The following LINGO2 variants were observed in gnomAD, a reference collection of about 807,000 sequenced individuals.
The protein encoded by LINGO2 is leucine rich repeat and Ig domain containing 2, also known as leucine-rich repeat and immunoglobulin-like domain-containing nogo receptor-interacting protein 2.
LINGO2 carries 14 observed loss-of-function variants against 30.6 expected under a neutral mutation model. The ratio of observed to expected loss-of-function variants is 0.46; its 90% CI spans 0.30 to 0.72. The LOEUF (loss-of-function observed/expected upper bound fraction) is 0.72, where lower values mean the gene tolerates loss of function less well. Among genes scored for constraint, LINGO2 ranks in the 30% least tolerant of loss-of-function variants. The probability of loss-of-function intolerance (pLI) is 0.07; values close to 1 mark genes in which losing one functional copy is unlikely to be tolerated. For synonymous variants in LINGO2, 317 were observed against 288.5 expected, an observed-to-expected ratio of 1.10 and a Z score of -1.00; for missense variants, 729 against 751.7, an observed-to-expected ratio of 0.97 and a Z score of 0.35.
In LINGO2 at chr9:28,093,589, T is replaced by C. The variant is rs759952838; in HGVS notation, c.-86-81184A>G. On this transcript the variant is annotated intron_variant, in intron 4 of 5. Coordinates refer to ENST00000379992, the Ensembl canonical transcript of LINGO2. ...TAATATTTTTCTAATTAATTATTAA[T>C]GTCAGACACATTATGACACCTTTTT... is the stretch of plus-strand genomic sequence containing the variant. 2.6e-5 allele frequency among the ~76,000 whole-genome samples: 4 copies of C among 152,252 alleles called. No homozygotes were observed. In the South Asian group the frequency reaches 6.2e-4, roughly 24 times the overall value.
chr9:27,938,585 G>A, the LINGO2 span: 2 of 152,168 alleles, frequency 1.3e-5, no homozygotes, highest in Non-Finnish European at 2.9e-5. Flanking sequence ...GACTCCCTGA[G>A]AGTGGATCAT....
chr9:28,292,795 G>T (rs1037924532), intron 4 of LINGO2, among the ~76,000 whole-genome samples: 1 of 150,938 alleles, frequency 6.6e-6, no homozygotes, highest in Admixed American at 6.6e-5. Flanking sequence ...TTTTGAGATG[G>T]AATCTTGCTT....
chr9:28,551,813 C>T (rs948521071), intron 1 of LINGO2, among the ~76,000 whole-genome samples: 1 of 151,986 alleles, frequency 6.6e-6, no homozygotes, highest in African/African-American at 2.4e-5. Flanking sequence ...TTTGGCAGAC[C>T]TTGCTCTCTG....
At chr9:28,207,741 A>T (rs931826850) in intron 4 of LINGO2, among the ~76,000 whole-genome samples, 1 of 152,168 alleles carries the variant, frequency 6.6e-6, no homozygotes, top group East Asian at 1.9e-4. Flanking sequence ...CCAGAAACCA[A>T]TTTTGAGAAT....
chr9:28,067,442 A>G (rs959041999), intron 4 of LINGO2, among the ~76,000 whole-genome samples: 1 of 152,194 alleles, frequency 6.6e-6, no homozygotes, highest in Non-Finnish European at 1.5e-5. Context: ...ATTTAAAAAC[A>G]AAAAGTTCAG....
intron 4 of LINGO2, among the ~76,000 whole-genome samples, chr9:28,259,238 G>A (rs773821005): frequency 1.3e-5 from 2 of 151,926 alleles, no homozygotes; most frequent in Non-Finnish European, 2.9e-5. Flanking sequence ...AACCACAGAG[G>A]TGCCTAAATT....
At chr9:28,624,257 T>C (rs934115365) in intron 1 of LINGO2, among the ~76,000 whole-genome samples, 2 of 152,084 alleles carry the variant, frequency 1.3e-5, no homozygotes, top group African/African-American at 4.8e-5. Context: ...TTTCTGATCT[T>C]AGAGGAAAAG....
Position 28,099,193 on chromosome 9 carries a change from T to A in LINGO2, c.-86-86788A>T, listed in dbSNP as rs938838153. Among the ~76,000 whole-genome samples, 5 of 152,292 alleles carry A rather than the reference T, an allele frequency of 3.3e-5. No individual in the cohort carries two copies. In the Middle Eastern group the frequency reaches 0.01, roughly 311 times the overall value. On this transcript the variant is annotated intron_variant, in intron 4 of 5. Coordinates refer to ENST00000379992, the Ensembl canonical transcript of LINGO2. ...ATTTTTTTTTGGTATCTTTCATCTG[T>A]ACCTAAAAGCCATAGCCCCTATTGT...
At chr9:28,474,861 G>C (rs879531239) in intron 2 of LINGO2, among the ~76,000 whole-genome samples, 21 of 152,260 alleles carry the variant, frequency 1.4e-4, no homozygotes, top group Non-Finnish European at 2.2e-4. Context: ...TTGGGAGAAA[G>C]TATGAAAAAT....
intron 3 of LINGO2, among the ~76,000 whole-genome samples, chr9:28,362,957 G>C (rs919237284): frequency 1.3e-5 from 2 of 152,168 alleles, no homozygotes; most frequent in South Asian, 4.1e-4. Context: ...TAAGGGAACT[G>C]CTTATACATA....
At chr9:28,466,322 G>T (rs1347837693) in intron 2 of LINGO2, among the ~76,000 whole-genome samples, 1 of 152,162 alleles carries the variant, frequency 6.6e-6, no homozygotes, top group Non-Finnish European at 1.5e-5. Flanking sequence ...CAGTGACATG[G>T]ATGGAACCAG....
chr9:28,943,386 T>C, the LINGO2 span, among the ~76,000 whole-genome samples: 1 of 151,578 alleles, frequency 6.6e-6, no homozygotes, highest in Admixed American at 6.6e-5. Flanking sequence ...AAAAAATGTG[T>C]CCTGCAAGCA....
chr9:28,752,714 T>C, the LINGO2 span, among the ~76,000 whole-genome samples: 1 of 151,948 alleles, frequency 6.6e-6, no homozygotes, highest in East Asian at 1.9e-4. Flanking sequence ...TTAGTCCGGC[T>C]CCCAACTCTG....
At chr9:29,087,921 A>AT in the LINGO2 span, among the ~76,000 whole-genome samples, 3 of 152,232 alleles carry the variant, frequency 2.0e-5, no homozygotes, top group East Asian at 5.8e-4. Flanking sequence ...CCTACCTCAT[A>AT]AAGATTAAGT....
At chr9:29,144,100 G>T in the LINGO2 span, among the ~76,000 whole-genome samples, 1 of 151,912 alleles carries the variant, frequency 6.6e-6, no homozygotes, top group Non-Finnish European at 1.5e-5. Flanking sequence ...CTTACTTCCG[G>T]GCTCTTACTC....
At chr9:28,620,846 G>C (rs1286723289) in intron 1 of LINGO2, among the ~76,000 whole-genome samples, 2 of 152,024 alleles carry the variant, frequency 1.3e-5, no homozygotes, top group East Asian at 1.9e-4. Flanking sequence ...GGTGGGAAGA[G>C]GGAGAGGATC....
At chr9:28,975,646 T>C in the LINGO2 span, among the ~76,000 whole-genome samples, 1 of 152,212 alleles carries the variant, frequency 6.6e-6, no homozygotes, top group Non-Finnish European at 1.5e-5. Flanking sequence ...TAATGGGTCT[T>C]AATATTCTAT....
chr9:29,170,189 T>G, the LINGO2 span, among the ~76,000 whole-genome samples: 1 of 152,146 alleles, frequency 6.6e-6, no homozygotes. Context: ...AACAAAGTCA[T>G]AGAATCAACT....
the LINGO2 span, among the ~76,000 whole-genome samples, chr9:28,784,562 T>C: frequency 1.3e-5 from 2 of 152,228 alleles, no homozygotes; most frequent in Non-Finnish European, 2.9e-5. Context: ...ACATAGTTGC[T>C]ACTCAAAAAG....
Sources: allele counts gnomAD v4.1 joint callset (sites outside exome capture counted in the v4.1 genomes callset), GRCh38; gene constraint gnomAD v4.1.1; transcripts MANE v1.5; gene names NCBI Gene and HGNC (gene_info 2026-07-23, HGNC 2026-07-21).